The following NCK1 variants were observed in gnomAD, a reference collection of about 807,000 sequenced individuals.
NCK1 encodes the protein NCK adaptor protein 1.
Under a neutral mutation model 36.6 loss-of-function variants are expected in NCK1, and 19 were observed. The ratio of observed to expected loss-of-function variants is 0.52; its 90% confidence interval spans 0.36 to 0.76. The LOEUF (loss-of-function observed/expected upper bound fraction) is 0.76, where lower values mean the gene tolerates loss of function less well. Among genes scored for constraint, NCK1 ranks in the 30% least tolerant of loss-of-function variants. NCK1 has a pLI of 0.00. For missense variants in NCK1, 358 were observed against 445.6 expected, an observed-to-expected ratio of 0.80 and a Z score of 1.77; for synonymous variants, 165 against 156.0, an observed-to-expected ratio of 1.06 and a Z score of -0.43.
intron 2 of NCK1, 114 bp downstream of exon 2, chr3:136,928,341 A>G (rs1940299832): frequency 2.9e-6 from 3 of 1,033,750 alleles, no homozygotes; most frequent in Non-Finnish European, 4.1e-6. Context: ...GGCAAGGGCT[A>G]GGTAAGTTTG....
intron 1 of NCK1, among the ~76,000 whole-genome samples, chr3:136,904,532 A>G (rs1167759345): frequency 2.0e-5 from 3 of 152,108 alleles, no homozygotes; most frequent in Admixed American, 6.5e-5. Context: ...TGTTAGTTTG[A>G]TGGGCGTTCC....
At position 136,949,007 on chromosome 3, in the gene NCK1, T is replaced by C. The variant is rs1940902754; in HGVS notation, c.*554T>C. The C allele has an allele frequency of 6.6e-6, 1 of 152,492 alleles. No homozygotes were observed. Among genetic ancestry groups the C allele is most frequent in the Non-Finnish European group, 1.5e-5 (1 of 67,912 alleles). The allele number at this position is 152,492 out of a possible 1,614,324, so 9.4% of individuals were successfully genotyped here. A position where few individuals can be genotyped will look rare whatever the true frequency, so the allele number is the denominator to read the frequency against. On this transcript the variant is annotated 3_prime_UTR_variant, in exon 4 of 4. Transcript: ENST00000481752. The stretch of plus-strand genomic sequence containing the variant: ...AAGTATATTGTGTCTGCCATAATTT[T>C]TAAAAATACATTCATTGTCTTCAGT...
At chr3:136,936,497 G>T (rs770466237) in intron 2 of NCK1, among the ~76,000 whole-genome samples, 1 of 152,170 alleles carries the variant, frequency 6.6e-6, no homozygotes, top group Non-Finnish European at 1.5e-5. Context: ...TTTCAGTTAA[G>T]TGTATACCTA....
Position 136,950,792 on chromosome 3 carries a change from G to T in NCK1, c.*2339G>T, listed in dbSNP as rs1252974841. On this transcript the variant is annotated 3_prime_UTR_variant, in exon 4 of 4. Transcript: ENST00000481752. ...ATTACAGAAGTTTTCTTCCACATGAGGAGAATGCTTAGTTTCAAATTTAAA... is the reference window on the plus strand; with the variant it reads ...ATTACAGAAGTTTTCTTCCACATGATGAGAATGCTTAGTTTCAAATTTAAA... Among the ~76,000 whole-genome samples the T allele has an allele frequency of 6.6e-6, 1 of 152,122 alleles. No homozygotes were observed. Among genetic ancestry groups the T allele is most frequent in the Non-Finnish European group, 1.5e-5 (1 of 68,002 alleles).
At chr3:136,876,952 T>G (rs1371385137) in intron 1 of NCK1, among the ~76,000 whole-genome samples, 1 of 152,180 alleles carries the variant, frequency 6.6e-6, no homozygotes, top group Non-Finnish European at 1.5e-5. Context: ...ACATTCCAAT[T>G]TACACCTTTA....
intron 2 of NCK1, among the ~76,000 whole-genome samples, chr3:136,931,886 G>A (rs1464368108): frequency 2.6e-5 from 4 of 152,106 alleles, no homozygotes; most frequent in African/African-American, 9.7e-5. Flanking sequence ...TTGGGAGGCC[G>A]AAGTGGGTGG....
intron 1 of NCK1, among the ~76,000 whole-genome samples, chr3:136,872,411 G>A (rs933972726): frequency 4.6e-5 from 7 of 152,334 alleles, no homozygotes; most frequent in African/African-American, 1.7e-4. Flanking sequence ...AAGCAGCAAA[G>A]CATTCAAGAA....
intron 1 of NCK1, among the ~76,000 whole-genome samples, chr3:136,882,335 G>A (rs928988230): frequency 6.6e-6 from 1 of 151,904 alleles, no homozygotes. Context: ...TGTCTATTTT[G>A]TTCGTTTGCC....
At chr3:136,879,574 T>C (rs919574327) in intron 1 of NCK1, among the ~76,000 whole-genome samples, 8 of 152,136 alleles carry the variant, frequency 5.3e-5, no homozygotes, top group African/African-American at 1.9e-4. Context: ...TGACCTTATG[T>C]GCACTATTCA....
intron 1 of NCK1, among the ~76,000 whole-genome samples, chr3:136,863,561 A>G (rs1461588293): frequency 6.6e-6 from 1 of 152,220 alleles, no homozygotes; most frequent in Non-Finnish European, 1.5e-5. Context: ...TGGTTGATAA[A>G]TGGTGCTTTC....
chr3:136,886,112 TAA>T (rs1939067036), intron 1 of NCK1, among the ~76,000 whole-genome samples: 1 of 152,162 alleles, frequency 6.6e-6, no homozygotes, highest in Non-Finnish European at 1.5e-5. Context: ...CATTTAACAT[TAA>T]AGTCAAATGA....
intron 2 of NCK1, among the ~76,000 whole-genome samples, chr3:136,941,110 C>A (rs1037265056): frequency 8.8e-6 from 1 of 114,088 alleles, no homozygotes; most frequent in Non-Finnish European, 1.7e-5. Flanking sequence ...TTTGTGATTT[C>A]TTTTTCTTTT....
chr3:136,931,503 A>G (rs935701626), intron 2 of NCK1, among the ~76,000 whole-genome samples: 1 of 151,842 alleles, frequency 6.6e-6, no homozygotes, highest in Non-Finnish European at 1.5e-5. Context: ...AGCTTTAGTG[A>G]CTCCCTCTGG....
chr3:136,880,630 T>A (rs571655772), intron 1 of NCK1, among the ~76,000 whole-genome samples: 1 of 151,590 alleles, frequency 6.6e-6, no homozygotes, highest in African/African-American at 2.4e-5. Flanking sequence ...CAACAAACTT[T>A]GTTTGTTTGT....
intron 2 of NCK1, among the ~76,000 whole-genome samples, chr3:136,935,771 T>C (rs568672419): frequency 7.4e-4 from 113 of 152,334 alleles, no homozygotes; most frequent in Admixed American, 7.8e-4. Context: ...TTCAGTAGTA[T>C]TGAGTACATT....
At chr3:136,863,412 C>T (rs1379731327) in intron 1 of NCK1, among the ~76,000 whole-genome samples, 1 of 152,176 alleles carries the variant, frequency 6.6e-6, no homozygotes, top group African/African-American at 2.4e-5. Context: ...GGAGAAATAA[C>T]CTAAGAAGAA....
At chr3:136,869,500 C>T (rs746702029) in intron 1 of NCK1, among the ~76,000 whole-genome samples, 9 of 152,052 alleles carry the variant, frequency 5.9e-5, no homozygotes, top group Non-Finnish European at 1.2e-4. Context: ...TTGTGAGATC[C>T]CGCCACTGCA....
intron 1 of NCK1, among the ~76,000 whole-genome samples, chr3:136,906,470 T>A (rs1939689458): frequency 6.6e-6 from 1 of 152,106 alleles, no homozygotes; most frequent in African/African-American, 2.4e-5. Flanking sequence ...GCCCCAGTGG[T>A]GGCACCAGTG....
rs932557832 is a variant in NCK1 at position 136,896,999 on chromosome 3, G to T, written c.-18-30985G>T. Among the ~76,000 whole-genome samples the T allele has an allele frequency of 2.0e-5, 3 of 152,160 alleles. No homozygotes were observed. The East Asian group carries it at 5.8e-4, about 29-fold the overall frequency. On this transcript the variant is annotated intron_variant, in intron 1 of 3. Coordinates refer to ENST00000481752, the MANE Select transcript of NCK1 (RefSeq NM_001291999.2). Reference sequence around the variant, plus strand: ...AGAAATTTTTGTAGGTTTCCAAAAAGTATGTACTAATTTACATTCTTACCA... The same window carrying T: ...AGAAATTTTTGTAGGTTTCCAAAAATTATGTACTAATTTACATTCTTACCA...
Sources: allele counts gnomAD v4.1 joint callset (sites outside exome capture counted in the v4.1 genomes callset), GRCh38; gene constraint gnomAD v4.1.1; transcripts MANE v1.5; gene names NCBI Gene and HGNC (gene_info 2026-07-23, HGNC 2026-07-21).